Variants in ZRANB1 observed in about 807,000 individuals in gnomAD.
ZRANB1 encodes the protein zinc finger RANBP2-type containing 1, also known as ubiquitin thioesterase ZRANB1.
In ZRANB1, 16 loss-of-function variants were observed where a neutral mutation model predicts 80.5. The ratio of observed to expected loss-of-function variants is 0.20; its 90% CI spans 0.13 to 0.30. ZRANB1 has a LOEUF of 0.30. Ranked by LOEUF, ZRANB1 falls within the 10% of genes least tolerant of loss-of-function variation. ZRANB1 has a pLI of 1.00. For missense variants in ZRANB1, 576 were observed against 862.6 expected (o/e 0.67, Z 4.16); for synonymous variants, 291 against 293.1 (o/e 0.99, Z 0.07).
chr10:124,954,140 GTTTTTTTT>G (rs55962412), intron 1 of ZRANB1, among the ~76,000 whole-genome samples: 9 of 52,510 alleles, frequency 1.7e-4, no homozygotes, highest in Admixed American at 3.1e-4. Flanking sequence ...GCTAATTCCT[GTTTTTTTT>G]TTTTTTTTTT....
the ZRANB1 span, among the ~76,000 whole-genome samples, chr10:124,922,923 CAGG>C: frequency 6.6e-6 from 1 of 152,238 alleles, no homozygotes; most frequent in East Asian, 1.9e-4. Flanking sequence ...ATGGGAGGCT[CAGG>C]TGGGAGGATC....
intron 1 of ZRANB1, among the ~76,000 whole-genome samples, chr10:124,961,607 ACT>A (rs1259774276): frequency 6.6e-5 from 10 of 152,158 alleles, no homozygotes; most frequent in African/African-American, 2.4e-4. Context: ...GGTTGTTAAC[ACT>A]CTGATCAAAG....
chr10:124,978,224 G>C (rs1589855251), intron 5 of ZRANB1, among the ~76,000 whole-genome samples: 1 of 152,206 alleles, frequency 6.6e-6, no homozygotes, highest in East Asian at 1.9e-4. Context: ...GTAGAGAGTA[G>C]AGTGAGCAGC....
intron 1 of ZRANB1, chr10:124,946,367 A>C (rs1951582806): frequency 6.6e-6 from 1 of 152,328 alleles, no homozygotes; most frequent in African/African-American, 2.4e-5. Context: ...GCAGTGAGCC[A>C]AGACTGCACC....
the ZRANB1 span, among the ~76,000 whole-genome samples, chr10:124,922,677 G>T: frequency 6.6e-6 from 1 of 151,242 alleles, no homozygotes; most frequent in Non-Finnish European, 1.5e-5. Context: ...GTATCTTTTA[G>T]TAGAGATGGG....
the ZRANB1 span, among the ~76,000 whole-genome samples, chr10:124,935,057 T>G: frequency 6.6e-6 from 1 of 152,242 alleles, no homozygotes; most frequent in Non-Finnish European, 1.5e-5. Context: ...GTATTTTGCC[T>G]AAGAGTTCTT....
rs1356056855 is a variant in ZRANB1 at position 124,966,637 on chromosome 10, A to G, written c.858A>G (p.Ser286=). 4.3e-6 allele frequency: 7 copies of G among 1,614,200 alleles called. No homozygotes were observed. Among genetic ancestry groups the G allele is most frequent in the Non-Finnish European group, 5.9e-6 (7 of 1,180,032 alleles). ...GDLAAIEAYK[S]SGGDIARQLT... ...TAGCTGCCATAGAAGCATACAAGTCATCAGGAGGAGACATTGCACGTCAGC... is the reference window on the plus strand; with the variant it reads ...TAGCTGCCATAGAAGCATACAAGTCGTCAGGAGGAGACATTGCACGTCAGC... Residue 286 remains serine, a synonymous_variant, in exon 2 of 9, where the codon TCA becomes TCG. Coordinates refer to ENST00000359653, the MANE Select transcript of ZRANB1 (RefSeq NM_017580.3).
the ZRANB1 span, among the ~76,000 whole-genome samples, chr10:124,922,278 TA>T: frequency 1.7e-3 from 65 of 38,606 alleles, no homozygotes; most frequent in African/African-American, 3.4e-3. Context: ...TATATATATG[TA>T]AAATATATAT....
intron 1 of ZRANB1, among the ~76,000 whole-genome samples, chr10:124,965,755 T>G (rs946964179): frequency 1.3e-5 from 2 of 152,340 alleles, no homozygotes; most frequent in African/African-American, 4.8e-5. Flanking sequence ...AATTGGAAGC[T>G]AATCTACTGT....
At chr10:124,953,913 C>G (rs59414005) in intron 1 of ZRANB1, among the ~76,000 whole-genome samples, 2 of 151,076 alleles carry the variant, frequency 1.3e-5, no homozygotes, top group African/African-American at 4.9e-5. Flanking sequence ...AACTAGTGTT[C>G]TACTGAAAGA....
intron 2 of ZRANB1, among the ~76,000 whole-genome samples, chr10:124,971,645 T>C (rs905697960): frequency 6.6e-6 from 1 of 152,254 alleles, no homozygotes; most frequent in Non-Finnish European, 1.5e-5. Context: ...TACTGAGGTT[T>C]TCTGTCCTCT....
In ZRANB1 at chr10:124,987,749, A is replaced by G. The variant is rs1245610466; in HGVS notation, c.*2757A>G. ...GGCAAGCCAAAGGCTTTAAGACACC[A>G]TGATTTTCTTGTTTTGTTTTAATTG... On this transcript the variant is annotated 3_prime_UTR_variant, in exon 9 of 9. Transcript: ENST00000359653. 6.6e-6 allele frequency: 1 copy of G among 152,200 alleles called. No individual in the cohort carries two copies. Among genetic ancestry groups the G allele is most frequent in the Non-Finnish European group, 1.5e-5 (1 of 68,034 alleles). The allele number at this position is 152,200 out of a possible 1,614,324, so 9.4% of individuals were successfully genotyped here.
chr10:124,922,766 C>T, the ZRANB1 span, among the ~76,000 whole-genome samples: 2 of 151,958 alleles, frequency 1.3e-5, no homozygotes, highest in African/African-American at 2.4e-5. Flanking sequence ...GCTGGGATTA[C>T]AGGCGTGAGC....
At chr10:124,920,863 A>G in the ZRANB1 span, among the ~76,000 whole-genome samples, 2 of 152,024 alleles carry the variant, frequency 1.3e-5, no homozygotes, top group African/African-American at 2.4e-5. Context: ...CCCTGTATCT[A>G]TCTATGGAGA....
chr10:124,966,912 A>AT (rs1214641476), intron 2 of ZRANB1, 131 bp downstream of exon 2: 1 of 824,830 alleles, frequency 1.2e-6, no homozygotes, highest in African/African-American at 1.7e-5. Context: ...CCTTTTAAAA[A>AT]TAACATTAAA....
chr10:124,928,434 A>G, the ZRANB1 span, among the ~76,000 whole-genome samples: 35 of 152,126 alleles, frequency 2.3e-4, no homozygotes, highest in Non-Finnish European at 4.6e-4. Flanking sequence ...CAACTGTGCA[A>G]CTGTGAGTGT....
Position 124,983,355 on chromosome 10 carries a change from C to A in ZRANB1, c.1678+51C>A, listed in dbSNP as rs764865253. The stretch of plus-strand genomic sequence containing the variant: ...ACAAGTTTCTTTGAACGGAATGGCT[C>A]AGATGTCAGGAAGGAGCAGTGGACA... On this transcript the variant is annotated intron_variant, in intron 7 of 8. Transcript: ENST00000359653. The surrounding 1 kb of genome is among the most constrained non-coding windows in gnomAD (Gnocchi z 6.2). 6.2e-7 allele frequency: 1 copy of A among 1,605,344 alleles called. No individual in the cohort carries two copies. The highest frequency in any genetic ancestry group is 1.3e-5 in the African/African-American group (1 of 74,652).
At chr10:124,940,906 G>C (rs1951529743), upstream of ZRANB1, among the ~76,000 whole-genome samples, 1 of 152,130 alleles carries the variant, frequency 6.6e-6, no homozygotes, top group Middle Eastern at 3.4e-3. Context: ...GAACCTGGGA[G>C]GTGGAGGTTG....
At chr10:124,967,010 A>G (rs1951782669) in intron 2 of ZRANB1, among the ~76,000 whole-genome samples, 2 of 152,228 alleles carry the variant, frequency 1.3e-5, no homozygotes, top group South Asian at 4.1e-4. Flanking sequence ...GGTTCATACA[A>G]ACCTGGGATG....
Sources: allele counts gnomAD v4.1 joint callset (sites outside exome capture counted in the v4.1 genomes callset), GRCh38; gene constraint gnomAD v4.1.1; non-coding constraint Gnocchi (gnomAD v3.1); transcripts MANE v1.5; gene names NCBI Gene and HGNC (gene_info 2026-07-23, HGNC 2026-07-21).